Variants in SMARCC1 observed in about 807,000 individuals in gnomAD.
SMARCC1 encodes the protein SWI/SNF complex subunit SMARCC1.
A neutral mutation model predicts 147.4 loss-of-function variants in SMARCC1; 43 were observed. The observed-to-expected ratio is 0.29, with a 90% CI of 0.23 to 0.38. The LOEUF (loss-of-function observed/expected upper bound fraction) is 0.38, where lower values mean the gene tolerates loss of function less well. SMARCC1 is among the 10% of genes least tolerant of loss of function. The pLI is 1.00. For synonymous variants in SMARCC1, 495 were observed against 484.4 expected (o/e 1.02, Z -0.29); for missense variants, 1,119 against 1,381.1 (o/e 0.81, Z 3.01).
chr3:47,695,892 C>T (rs78662360), intron 11 of SMARCC1, among the ~76,000 whole-genome samples: 115,213 of 115,394 alleles, frequency 1, 57,518 homozygotes, highest in Non-Finnish European at 1. Context: ...GGTGAAACCC[C>T]GTCTCTACTA....
intron 11 of SMARCC1, among the ~76,000 whole-genome samples, chr3:47,696,565 C>G (rs1158777400): frequency 6.6e-6 from 1 of 151,210 alleles, no homozygotes; most frequent in Non-Finnish European, 1.5e-5. Flanking sequence ...ATCGCCCAGG[C>G]TGGAATGCAA....
rs2033007835 is a variant in SMARCC1 at position 47,638,744 on chromosome 3, T to C, written c.2357A>G (p.Asp786Gly). 2 of 1,613,438 alleles carry C rather than the reference T, an allele frequency of 1.2e-6. No homozygotes were observed. The highest frequency in any genetic ancestry group is 2.7e-5 in the African/African-American group (2 of 74,902). ...AEEEKMEADP[D>G]GQQPEKAENK... Reference sequence around the variant, plus strand: ...CTTTACCTTTTCAGGCTGCTGACCATCAGGGTCGGCTTCCATTTTTTCCTC... The same window carrying C: ...CTTTACCTTTTCAGGCTGCTGACCACCAGGGTCGGCTTCCATTTTTTCCTC... Residue 786 changes from aspartate (D) to glycine (G), a missense_variant, in exon 22 of 28, where the codon GAT (aspartate) becomes GGT (glycine). Transcript: ENST00000254480.
Position 47,738,116 on chromosome 3 carries a change from A to G in SMARCC1, c.402-6T>C. 6.4e-7 allele frequency: 1 copy of G among 1,550,942 alleles called. No homozygotes were observed. ...TCTGTAGGTCAAACCTCCGCCTAAA[A>G]AAAAAGAAAAACCCTAGTTAATTTG... On this transcript the variant is annotated splice_region_variant and splice_polypyrimidine_tract_variant and intron_variant, in intron 3 of 27. Coordinates refer to ENST00000254480, the MANE Select transcript of SMARCC1 (RefSeq NM_003074.4).
At chr3:47,708,996 C>T (rs1337344801) in intron 9 of SMARCC1, among the ~76,000 whole-genome samples, 1 of 152,170 alleles carries the variant, frequency 6.6e-6, no homozygotes, top group Non-Finnish European at 1.5e-5. Context: ...CATAGTGGCT[C>T]ATACCTGTAA....
intron 13 of SMARCC1, 52 bp from the exon 14 acceptor site, chr3:47,686,222 A>G (rs1336540596): frequency 1.4e-6 from 2 of 1,396,852 alleles, no homozygotes; most frequent in Non-Finnish European, 2.0e-6. Context: ...AGAGAGAGAT[A>G]TATATAACAT....
intron 2 of SMARCC1, among the ~76,000 whole-genome samples, chr3:47,771,298 C>T (rs942571853): frequency 6.6e-6 from 1 of 152,150 alleles, no homozygotes; most frequent in Non-Finnish European, 1.5e-5. Flanking sequence ...AAAAGGTCTA[C>T]TGATCATAGA....
rs575392461 is a variant in SMARCC1 at position 47,726,724 on chromosome 3, T to C, written c.646+2301A>G. 1.3e-4 allele frequency among the ~76,000 whole-genome samples: 20 copies of C among 152,308 alleles called. No homozygotes were observed. The South Asian group carries it at 1.9e-3, about 14-fold the overall frequency. On this transcript the variant is annotated intron_variant, in intron 6 of 27. Coordinates refer to ENST00000254480, the MANE Select transcript of SMARCC1 (RefSeq NM_003074.4). The stretch of plus-strand genomic sequence containing the variant: ...CATTACACTAAGCAAAACAAATTAA[T>C]CATAAAAACACAAATTCTGTATGAT...
chr3:47,758,815 C>T (rs2034735868), intron 2 of SMARCC1, among the ~76,000 whole-genome samples: 1 of 151,870 alleles, frequency 6.6e-6, no homozygotes, highest in Non-Finnish European at 1.5e-5. Flanking sequence ...GGGTGGATGA[C>T]CTGAGGTCAG....
chr3:47,598,259 G>GA (rs200550354), intron 26 of SMARCC1, among the ~76,000 whole-genome samples: 1,531 of 152,218 alleles, frequency 0.01, 12 homozygotes, highest in Middle Eastern at 0.041. Flanking sequence ...GTTGCTGCTG[G>GA]AAACAGGAGG....
At chr3:47,710,973 T>C (rs143800421) in intron 8 of SMARCC1, among the ~76,000 whole-genome samples, 165 bp from the exon 9 acceptor site, 3 of 152,364 alleles carry the variant, frequency 2.0e-5, no homozygotes, top group African/African-American at 7.2e-5. Flanking sequence ...TAATCATCTC[T>C]ATTTTTATTC....
At position 47,587,294 on chromosome 3, in the gene SMARCC1, T is replaced by C. The variant is rs1472598444; in HGVS notation, c.*915A>G. ...AAAAAAATGCACACAAAGCAGTGAA[T>C]AGTAGGCTAGACTCATTGGGGGTAA... On this transcript the variant is annotated 3_prime_UTR_variant, in exon 28 of 28. Coordinates refer to ENST00000254480, the MANE Select transcript of SMARCC1 (RefSeq NM_003074.4). 2.5e-5 allele frequency: 2 copies of C among 80,782 alleles called. No individual in the cohort carries two copies. The highest frequency in any genetic ancestry group is 4.7e-5 in the African/African-American group (1 of 21,066). 5.0% of individuals were successfully genotyped at this position (80,782 alleles called of 1,614,324 possible).
At position 47,587,653 on chromosome 3, in the gene SMARCC1, T is replaced by A. The variant is rs1195146322; in HGVS notation, c.*556A>T. On this transcript the variant is annotated 3_prime_UTR_variant, in exon 28 of 28. Coordinates refer to ENST00000254480, the MANE Select transcript of SMARCC1 (RefSeq NM_003074.4). ...GTGGCAAAAGTCTCAAACTTTACCA[T>A]CAGCACCATTCTTAGCTCAGAAAAG... The A allele has an allele frequency of 6.5e-6, 1 of 152,768 alleles. No individual in the cohort carries two copies. Among genetic ancestry groups the A allele is most frequent in the African/African-American group, 2.4e-5 (1 of 41,454 alleles). 9.5% of individuals were successfully genotyped at this position (152,768 alleles called of 1,614,324 possible). A position where few individuals can be genotyped will look rare whatever the true frequency, so the allele number is the denominator to read the frequency against.
chr3:47,750,318 CCAGCTACTTGGGAGGCT>C (rs1379067533), intron 2 of SMARCC1, among the ~76,000 whole-genome samples: 1 of 152,072 alleles, frequency 6.6e-6, no homozygotes, highest in Non-Finnish European at 1.5e-5. Context: ...GCCTGTAGTC[CCAGCTACTTGGGAGGCT>C]CAGGCAGGAG....
intron 21 of SMARCC1, among the ~76,000 whole-genome samples, chr3:47,654,093 C>T (rs1171309601): frequency 2.0e-5 from 3 of 152,208 alleles, no homozygotes; most frequent in Non-Finnish European, 2.9e-5. Flanking sequence ...TCTATGGTAT[C>T]GTCTACCAAA....
intron 2 of SMARCC1, 148 bp downstream of exon 2, chr3:47,772,669 T>C (rs897273260): frequency 1.7e-5 from 11 of 630,118 alleles, no homozygotes; most frequent in South Asian, 5.7e-5. Context: ...AGTTAAAAAA[T>C]AGTAATATTC....
At chr3:47,611,314 G>T (rs2032561038) in intron 25 of SMARCC1, among the ~76,000 whole-genome samples, 1 of 152,200 alleles carries the variant, frequency 6.6e-6, no homozygotes, top group Non-Finnish European at 1.5e-5. Flanking sequence ...GTCCAATACA[G>T]CAGTTAGAAG....
Position 47,610,074 on chromosome 3 carries a change from G to A in SMARCC1, c.3035C>T (p.Pro1012Leu), listed in dbSNP as rs768184859. Residue 1012 changes from proline to leucine, a missense_variant, in exon 26 of 28, where the codon CCC becomes CTC. Pro to Leu is a moderately conservative substitution (Grantham distance 98). This residue lies in a region of SMARCC1 where 186 missense variants were observed against 216.5 expected (regional missense o/e 0.86). Coordinates refer to ENST00000254480, the MANE Select transcript of SMARCC1 (RefSeq NM_003074.4). ...CAGGGCCTTCCTCTTACCTGGCTGG[G>A]GTGGATGAGGTGGTGGCATCTGGTG... ...MHHQMPPPHP[P>L]QPGQIPGPGS... is the part of the protein sequence containing the mutation. The A allele has an allele frequency of 1.2e-6, 2 of 1,612,264 alleles. No individual in the cohort carries two copies. Among genetic ancestry groups the A allele is most frequent in the African/African-American group, 1.3e-5 (1 of 74,872 alleles).
chr3:47,767,745 G>A (rs181110725), intron 2 of SMARCC1, among the ~76,000 whole-genome samples: 9 of 151,386 alleles, frequency 5.9e-5, no homozygotes, highest in Admixed American at 5.9e-4. Context: ...GTGGGCGCCT[G>A]TAATCCCAGG....
rs1278315329 is a variant in SMARCC1, at chr3:47,661,471, A to G, written c.2159-16T>C. On this transcript the variant is annotated splice_polypyrimidine_tract_variant and intron_variant, in intron 20 of 27. Coordinates refer to ENST00000254480, the MANE Select transcript of SMARCC1 (RefSeq NM_003074.4). ...GAAAACTCCTCTGGTTCAAGAATAAAAATGGAACAGCAATCTAACTTTGCA... is the reference window on the plus strand; with the variant it reads ...GAAAACTCCTCTGGTTCAAGAATAAGAATGGAACAGCAATCTAACTTTGCA... 6.3e-7 allele frequency: 1 copy of G among 1,589,388 alleles called. No individual in the cohort carries two copies. Among genetic ancestry groups the G allele is most frequent in the African/African-American group, 1.4e-5 (1 of 73,696 alleles).
Sources: gnomAD v4.1 joint callset for allele counts (sites outside exome capture counted in the v4.1 genomes callset) on GRCh38, gnomAD v4.1.1 for gene constraint, gnomAD v4.1.1 regional missense constraint, MANE v1.5 for transcripts, NCBI Gene and HGNC (gene_info 2026-07-23, HGNC 2026-07-21) for gene names.